The following FBXL7 variants were observed in gnomAD, a reference collection of about 807,000 sequenced individuals.
The protein encoded by FBXL7 is F-box and leucine rich repeat protein 7, also known as F-box/LRR-repeat protein 7.
Under a neutral mutation model 38.3 loss-of-function variants are expected in FBXL7, and 12 were observed. That is an observed-to-expected ratio of 0.31 (90% confidence interval 0.20 to 0.51). The LOEUF is 0.51. Ranked by LOEUF, FBXL7 falls within the 20% of genes least tolerant of loss-of-function variation. The probability of loss-of-function intolerance (pLI) is 0.98; values close to 1 mark genes in which losing one functional copy is unlikely to be tolerated. For missense variants in FBXL7, 567 were observed against 676.4 expected (o/e 0.84, Z 1.79); for synonymous variants, 297 against 300.9 (o/e 0.99, Z 0.13).
intron 2 of FBXL7, among the ~76,000 whole-genome samples, chr5:15,736,328 T>C (rs988297691): frequency 3.7e-4 from 56 of 152,320 alleles, no homozygotes; most frequent in African/African-American, 1.3e-3. Context: ...CATTTCTGTT[T>C]TGAAGCTTTT....
chr5:15,735,320 G>GGA (rs1196481380), intron 2 of FBXL7, among the ~76,000 whole-genome samples: 2 of 152,154 alleles, frequency 1.3e-5, no homozygotes, highest in Admixed American at 6.5e-5. Context: ...GAAGAGAAGT[G>GGA]GAGAGACCAT....
At chr5:15,677,711 A>G (rs1742709191) in intron 2 of FBXL7, among the ~76,000 whole-genome samples, 1 of 152,186 alleles carries the variant, frequency 6.6e-6, no homozygotes, top group South Asian at 2.1e-4. Flanking sequence ...AAGTTTTTCA[A>G]TAAAATAACA....
intron 2 of FBXL7, among the ~76,000 whole-genome samples, chr5:15,851,133 G>T (rs112899884): frequency 1.3e-5 from 2 of 152,134 alleles, no homozygotes; most frequent in African/African-American, 4.8e-5. Context: ...CACACACCCG[G>T]CCATTTCCTG....
At chr5:15,766,045 TAC>T (rs1270876792) in intron 2 of FBXL7, among the ~76,000 whole-genome samples, 74 of 105,040 alleles carry the variant, frequency 7.0e-4, no homozygotes, top group Admixed American at 1.4e-3. Context: ...TCTGTCTATC[TAC>T]CTACCTACCT....
intron 2 of FBXL7, among the ~76,000 whole-genome samples, chr5:15,641,007 A>G (rs1002197787): frequency 6.6e-6 from 1 of 152,206 alleles, no homozygotes; most frequent in Non-Finnish European, 1.5e-5. Context: ...CAGCCCAGCC[A>G]CTATTGTGAA....
chr5:15,754,743 A>G (rs1343386249), intron 2 of FBXL7, among the ~76,000 whole-genome samples: 1 of 152,212 alleles, frequency 6.6e-6, no homozygotes, highest in Non-Finnish European at 1.5e-5. Context: ...ACAAGCACGT[A>G]CATTATTAAC....
At chr5:15,700,310 A>G (rs934645769) in intron 2 of FBXL7, among the ~76,000 whole-genome samples, 2 of 152,236 alleles carry the variant, frequency 1.3e-5, no homozygotes, top group Non-Finnish European at 2.9e-5. Flanking sequence ...TAGAATACAG[A>G]TAAAATACAG....
intron 2 of FBXL7, among the ~76,000 whole-genome samples, chr5:15,906,732 G>A (rs1171184168): frequency 1.1e-5 from 1 of 90,064 alleles, no homozygotes; most frequent in Non-Finnish European, 2.1e-5. Flanking sequence ...TGATCTCATT[G>A]TTCAATTCCC....
intron 2 of FBXL7, among the ~76,000 whole-genome samples, chr5:15,659,247 A>G (rs371283881): frequency 6.6e-6 from 1 of 152,208 alleles, no homozygotes; most frequent in East Asian, 1.9e-4. Flanking sequence ...AGAAGAAAAA[A>G]TATGCAAATG....
chr5:15,578,128 A>C (rs1050680472), intron 1 of FBXL7, among the ~76,000 whole-genome samples: 1 of 152,178 alleles, frequency 6.6e-6, no homozygotes, highest in African/African-American at 2.4e-5. Context: ...ACTGGCCATC[A>C]CCCATAACAT....
intron 3 of FBXL7, among the ~76,000 whole-genome samples, chr5:15,935,492 T>A (rs1000697991): frequency 8.9e-6 from 1 of 112,768 alleles, no homozygotes; most frequent in African/African-American, 3.6e-5. Context: ...GGGAAGGGAG[T>A]CTGATTCAAG....
At chr5:15,927,800 A>AAAAAAAAAAC in intron 2 of FBXL7, 90 bp from the exon 3 acceptor site, 1 of 970,626 alleles carries the variant, frequency 1.0e-6, no homozygotes, top group Admixed American at 3.1e-5. Flanking sequence ...AGAAGAAAGA[A>AAAAAAAAAAC]AAGAAAAGAA....
At chr5:15,898,104 T>G (rs1741147912) in intron 2 of FBXL7, among the ~76,000 whole-genome samples, 1 of 152,188 alleles carries the variant, frequency 6.6e-6, no homozygotes, top group Non-Finnish European at 1.5e-5. Flanking sequence ...AGATCTGTCT[T>G]CAGCCTTGTT....
intron 1 of FBXL7, among the ~76,000 whole-genome samples, chr5:15,567,302 T>C (rs751546894): frequency 1.3e-5 from 2 of 152,192 alleles, no homozygotes; most frequent in Non-Finnish European, 2.9e-5. Flanking sequence ...ATTTTACAGA[T>C]AATTAATGAC....
At chr5:15,865,851 C>T (rs1169100735) in intron 2 of FBXL7, among the ~76,000 whole-genome samples, 1 of 152,134 alleles carries the variant, frequency 6.6e-6, no homozygotes, top group East Asian at 1.9e-4. Flanking sequence ...CCTTTCTTTA[C>T]ATGTTGAAAA....
chr5:15,810,154 T>G (rs1579482677), intron 2 of FBXL7, among the ~76,000 whole-genome samples: 1 of 152,202 alleles, frequency 6.6e-6, no homozygotes, highest in Non-Finnish European at 1.5e-5. Context: ...TATTCAAAAT[T>G]GAAGTCTATT....
intron 2 of FBXL7, among the ~76,000 whole-genome samples, chr5:15,638,635 G>T (rs1045201520): frequency 7.2e-5 from 11 of 151,978 alleles, no homozygotes. Flanking sequence ...GGGTAGGTAG[G>T]GTGGGGGTGA....
chr5:15,904,252 T>C (rs149271237), intron 2 of FBXL7, among the ~76,000 whole-genome samples: 1 of 152,216 alleles, frequency 6.6e-6, no homozygotes, highest in African/African-American at 2.4e-5. Flanking sequence ...GTTAGTCAAA[T>C]GTAAACAGCA....
intron 1 of FBXL7, among the ~76,000 whole-genome samples, chr5:15,572,386 C>CT (rs1738817168): frequency 1.0e-5 from 1 of 98,244 alleles, no homozygotes; most frequent in Admixed American, 1.0e-4. Flanking sequence ...CTGGTTTCTG[C>CT]TAAAAAAAAA....
Sources: allele counts gnomAD v4.1 joint callset (sites outside exome capture counted in the v4.1 genomes callset), GRCh38; gene constraint gnomAD v4.1.1; transcripts MANE v1.5; gene names NCBI Gene and HGNC (gene_info 2026-07-23, HGNC 2026-07-21).